The following SLC25A37 variants were observed in gnomAD, a reference collection of about 807,000 sequenced individuals.
SLC25A37 encodes the protein mitoferrin-1.
A neutral mutation model predicts 31.0 loss-of-function variants in SLC25A37; 17 were observed. The ratio of observed to expected loss-of-function variants is 0.55; its 90% CI spans 0.38 to 0.82. The LOEUF (loss-of-function observed/expected upper bound fraction) is 0.82, where lower values mean the gene tolerates loss of function less well. Among genes scored for constraint, SLC25A37 ranks in the 40% least tolerant of loss-of-function variants. SLC25A37 has a pLI of 0.00. For synonymous variants in SLC25A37, 222 were observed against 193.0 expected, an observed-to-expected ratio of 1.15 and a Z score of -1.24; for missense variants, 404 against 465.8, an observed-to-expected ratio of 0.87 and a Z score of 1.22.
In SLC25A37 at chr8:23,574,872, C is replaced by G. The variant is rs896462563; in HGVS notation, c.*3017C>G. The G allele has an allele frequency of 1.3e-5, 2 of 153,914 alleles. No individual in the cohort carries two copies. The highest frequency in any genetic ancestry group is 2.9e-5 in the Non-Finnish European group (2 of 68,290). The allele number at this position is 153,914 out of a possible 1,614,324, so 9.5% of individuals were successfully genotyped here. A position where few individuals can be genotyped will look rare whatever the true frequency, so the allele number is the denominator to read the frequency against. The stretch of plus-strand genomic sequence containing the variant: ...GACATCTGCAGCCAGTTAGTGCCAC[C>G]TGAGTACAGCACTCGTACTTTTACA... On this transcript the variant is annotated 3_prime_UTR_variant, in exon 4 of 4. Coordinates refer to ENST00000519973, the MANE Select transcript of SLC25A37 (RefSeq NM_016612.4).
chr8:23,554,953 C>T (rs1802324413), intron 1 of SLC25A37, among the ~76,000 whole-genome samples: 2 of 152,308 alleles, frequency 1.3e-5, no homozygotes, highest in South Asian at 4.1e-4. Context: ...CCATGGAAGA[C>T]ACCTGATCAT....
At chr8:23,550,471 T>C (rs1452686554) in intron 1 of SLC25A37, among the ~76,000 whole-genome samples, 1 of 152,172 alleles carries the variant, frequency 6.6e-6, no homozygotes, top group Non-Finnish European at 1.5e-5. Context: ...CTTCTGTGGA[T>C]AATAGGCTAA....
At chr8:23,558,970 A>T (rs1376802876) in intron 1 of SLC25A37, among the ~76,000 whole-genome samples, 1 of 151,688 alleles carries the variant, frequency 6.6e-6, no homozygotes, top group East Asian at 1.9e-4. Context: ...GGTCTTTCTG[A>T]CTCTCTCTGA....
At chr8:23,545,797 G>C (rs949743250) in intron 1 of SLC25A37, among the ~76,000 whole-genome samples, 2 of 152,178 alleles carry the variant, frequency 1.3e-5, no homozygotes, top group East Asian at 3.9e-4. Flanking sequence ...ACAGCAGTTC[G>C]AGACCAGCCT....
chr8:23,537,877 C>T (rs1433165188), intron 1 of SLC25A37, among the ~76,000 whole-genome samples: 3 of 152,122 alleles, frequency 2.0e-5, no homozygotes, highest in Non-Finnish European at 2.9e-5. Flanking sequence ...TGTGTCTCCC[C>T]ACCTGATAAT....
chr8:23,536,884 C>T (rs1020376144), intron 1 of SLC25A37, among the ~76,000 whole-genome samples: 1 of 152,184 alleles, frequency 6.6e-6, no homozygotes, highest in Admixed American at 6.5e-5. Flanking sequence ...TCCTTGAGAT[C>T]CCAGACTGCC....
In SLC25A37 at chr8:23,572,645, A is replaced by G. The variant is rs1802894550; in HGVS notation, c.*790A>G. On this transcript the variant is annotated 3_prime_UTR_variant, in exon 4 of 4. Coordinates refer to ENST00000519973, the MANE Select transcript of SLC25A37 (RefSeq NM_016612.4). ...CTTTTTTTTTCTTTTAAATTCAATC[A>G]GCCACCTTCATGTGCCTTTTTCCTT... The G allele has an allele frequency of 6.6e-6, 1 of 152,050 alleles. No individual in the cohort carries two copies. The highest frequency in any genetic ancestry group is 2.4e-5 in the African/African-American group (1 of 41,322). The allele number at this position is 152,050 out of a possible 1,614,324, so 9.4% of individuals were successfully genotyped here. A position where few individuals can be genotyped will look rare whatever the true frequency, so the allele number is the denominator to read the frequency against.
rs1378492097 is a variant in SLC25A37, at chr8:23,572,790, A to C, written c.*935A>C. The C allele has an allele frequency of 6.6e-6, 1 of 152,160 alleles. No individual in the cohort carries two copies. The allele number at this position is 152,160 out of a possible 1,614,324, so 9.4% of individuals were successfully genotyped here. A position where few individuals can be genotyped will look rare whatever the true frequency, so the allele number is the denominator to read the frequency against. On this transcript the variant is annotated 3_prime_UTR_variant, in exon 4 of 4. Transcript: ENST00000519973. ...CGCCCGCTGGAGGGTGGTGGAGCCC[A>C]GTAGAATTGGGGTGACTGGGCATAA...
At chr8:23,566,004 T>G (rs1802641436) in intron 1 of SLC25A37, 104 bp from the exon 2 acceptor site, 10 of 1,411,714 alleles carry the variant, frequency 7.1e-6, no homozygotes, top group Non-Finnish European at 1.9e-6. Context: ...CCTGTGAAAC[T>G]ATGACATTGT....
chr8:23,544,192 T>G (rs1801975388), intron 1 of SLC25A37, among the ~76,000 whole-genome samples: 1 of 152,160 alleles, frequency 6.6e-6, no homozygotes, highest in Admixed American at 6.5e-5. Flanking sequence ...TAGATTCATT[T>G]AGATAACAAA....
Position 23,529,252 on chromosome 8 carries a change from A to G in SLC25A37, c.210+40A>G. 1 of 1,564,032 alleles carries G rather than the reference A, an allele frequency of 6.4e-7. No homozygotes were observed. Among genetic ancestry groups the G allele is most frequent in the Non-Finnish European group, 8.7e-7 (1 of 1,154,712 alleles). On this transcript the variant is annotated intron_variant, in intron 1 of 3. Transcript: ENST00000519973. The surrounding 1 kb of genome is among the most constrained non-coding windows in gnomAD (Gnocchi z 4.1). Reference sequence around the variant, plus strand: ...GACTTCGGGGACGCAACGAGCGGAGAAGGAGCGCGCGCGCGCATTTGCATC... The same window carrying G: ...GACTTCGGGGACGCAACGAGCGGAGGAGGAGCGCGCGCGCGCATTTGCATC...
Position 23,529,218 on chromosome 8 carries a change from G to T in SLC25A37, c.210+6G>T. ...ACCCGGTGGACTCGGTGAAGGTGAG[G>T]CGCGGGGAGACTTCGGGGACGCAAC... On this transcript the variant is annotated splice_donor_region_variant and intron_variant, in intron 1 of 3. Transcript: ENST00000519973. This position sits in a 1 kb window ranked among gnomAD's most constrained non-coding sequence, Gnocchi z 4.1. 6.2e-7 allele frequency: 1 copy of T among 1,603,986 alleles called. No individual in the cohort carries two copies. Among genetic ancestry groups the T allele is most frequent in the East Asian group, 2.3e-5 (1 of 43,832 alleles).
intron 1 of SLC25A37, chr8:23,541,454 GTCACTGTTTTCC>G (rs1258069231): frequency 6.6e-6 from 1 of 152,290 alleles, no homozygotes; most frequent in Non-Finnish European, 1.5e-5. Context: ...GGCCTTTCCC[GTCACTGTTTTCC>G]TCACTTGCTT....
chr8:23,547,615 A>C (rs1362632173), intron 1 of SLC25A37, among the ~76,000 whole-genome samples: 1 of 152,204 alleles, frequency 6.6e-6, no homozygotes, highest in African/African-American at 2.4e-5. Context: ...GCTCACAAGC[A>C]CTTTTGCTTT....
chr8:23,561,123 A>G (rs1802503732), intron 1 of SLC25A37, among the ~76,000 whole-genome samples: 1 of 152,224 alleles, frequency 6.6e-6, no homozygotes, highest in African/African-American at 2.4e-5. Context: ...GAACAAAAAG[A>G]AGGTCAGTTT....
In SLC25A37 at chr8:23,571,521, C is replaced by T. The variant is rs1442597665; in HGVS notation, c.683C>T (p.Pro228Leu). ...TYEFLQEQVN[P>L]HRTYNPQSHI... ...GAGTTCCTGCAGGAGCAGGTCAACCCCCACCGGACCTACAACCCGCAGTCC... is the reference window on the plus strand; with the variant it reads ...GAGTTCCTGCAGGAGCAGGTCAACCTCCACCGGACCTACAACCCGCAGTCC... Residue 228 changes from proline (P) to leucine (L), a missense_variant, in exon 4 of 4, where the codon CCC becomes CTC. Transcript: ENST00000519973. 2.5e-6 allele frequency: 4 copies of T among 1,613,974 alleles called. No individual in the cohort carries two copies. The highest frequency in any genetic ancestry group is 3.4e-6 in the Non-Finnish European group (4 of 1,179,868).
intron 1 of SLC25A37, among the ~76,000 whole-genome samples, chr8:23,544,547 ATTCCT>A (rs1282171179): frequency 6.6e-6 from 1 of 152,130 alleles, no homozygotes; most frequent in African/African-American, 2.4e-5. Flanking sequence ...CCAATGAATC[ATTCCT>A]TTCAGGAGTG....
chr8:23,543,629 G>T (rs1198964540), intron 1 of SLC25A37, among the ~76,000 whole-genome samples: 2 of 152,076 alleles, frequency 1.3e-5, no homozygotes, highest in Non-Finnish European at 2.9e-5. Flanking sequence ...CCATCTCCTG[G>T]CTTCATGCCA....
intron 1 of SLC25A37, among the ~76,000 whole-genome samples, chr8:23,552,755 G>A (rs1438079866): frequency 6.6e-6 from 1 of 152,176 alleles, no homozygotes; most frequent in African/African-American, 2.4e-5. Context: ...GGGATTTTCA[G>A]CAAAATATGG....
Sources: allele counts gnomAD v4.1 joint callset (sites outside exome capture counted in the v4.1 genomes callset), GRCh38; gene constraint gnomAD v4.1.1; non-coding constraint Gnocchi (gnomAD v3.1); transcripts MANE v1.5; gene names NCBI Gene and HGNC (gene_info 2026-07-23, HGNC 2026-07-21).